Variants in DLGAP1 observed in about 807,000 individuals in gnomAD.
DLGAP1 encodes the protein disks large-associated protein 1.
DLGAP1 carries 11 observed loss-of-function variants against 90.8 expected under a neutral mutation model. That is an observed-to-expected ratio of 0.12 (90% CI 0.08 to 0.20). The LOEUF (loss-of-function observed/expected upper bound fraction) is 0.20, where lower values mean the gene tolerates loss of function less well. DLGAP1 is among the 10% of genes least tolerant of loss of function. The probability of loss-of-function intolerance (pLI) is 1.00; values close to 1 mark genes in which losing one functional copy is unlikely to be tolerated. For missense variants in DLGAP1, 1,050 were observed against 1,333.8 expected (o/e 0.79, Z 3.31); for synonymous variants, 558 against 540.7 (o/e 1.03, Z -0.44).
intron 1 of DLGAP1, among the ~76,000 whole-genome samples, chr18:4,213,855 C>T (rs2077896466): frequency 6.6e-6 from 1 of 152,078 alleles, no homozygotes; most frequent in Non-Finnish European, 1.5e-5. Context: ...GGAAAATTAA[C>T]ATAGTAAGTG....
At chr18:4,226,354 T>C (rs1394239076) in intron 1 of DLGAP1, among the ~76,000 whole-genome samples, 1 of 152,096 alleles carries the variant, frequency 6.6e-6, no homozygotes, top group Non-Finnish European at 1.5e-5. Flanking sequence ...TCTGAAGGTA[T>C]AAAAATCAAT....
intron 4 of DLGAP1, among the ~76,000 whole-genome samples, chr18:3,877,576 T>C (rs1283749138): frequency 6.6e-6 from 1 of 152,214 alleles, no homozygotes; most frequent in Non-Finnish European, 1.5e-5. Context: ...ACAGATATCC[T>C]TATCGAAATA....
At chr18:3,750,445 C>T (rs1333625469) in intron 5 of DLGAP1, among the ~76,000 whole-genome samples, 2 of 152,116 alleles carry the variant, frequency 1.3e-5, no homozygotes, top group African/African-American at 2.4e-5. Flanking sequence ...TGCATGTGTC[C>T]TTTTGGTAGA....
At chr18:4,241,273 G>C (rs2078527892) in intron 1 of DLGAP1, among the ~76,000 whole-genome samples, 1 of 152,150 alleles carries the variant, frequency 6.6e-6, no homozygotes, top group African/African-American at 2.4e-5. Context: ...GTCACTCCTA[G>C]AGTTCTTGAT....
chr18:3,988,712 A>G (rs1405842114), intron 3 of DLGAP1, among the ~76,000 whole-genome samples: 1 of 152,092 alleles, frequency 6.6e-6, no homozygotes, highest in African/African-American at 2.4e-5. Context: ...CAGGCCACGG[A>G]CCCGTACTGC....
At chr18:3,509,087 T>A (rs1388148644) in intron 10 of DLGAP1, among the ~76,000 whole-genome samples, 1 of 152,012 alleles carries the variant, frequency 6.6e-6, no homozygotes, top group Non-Finnish European at 1.5e-5. Flanking sequence ...CTGGCTTGTT[T>A]TTCTAAAACA....
chr18:4,295,714 G>A (rs1283214643), intron 1 of DLGAP1, among the ~76,000 whole-genome samples: 1 of 152,162 alleles, frequency 6.6e-6, no homozygotes, highest in African/African-American at 2.4e-5. Context: ...TATCTGTGAA[G>A]TGGACACAAA....
intron 7 of DLGAP1, among the ~76,000 whole-genome samples, chr18:3,687,629 T>C (rs894790506): frequency 6.6e-6 from 1 of 152,174 alleles, no homozygotes; most frequent in East Asian, 1.9e-4. Flanking sequence ...TATATAGTCA[T>C]CACAATGGAA....
rs1054224130 is a variant in DLGAP1 at position 4,084,947 on chromosome 18, A to G, written c.-159+66233T>C. On this transcript the variant is annotated intron_variant, in intron 2 of 12. Transcript: ENST00000315677. The surrounding 1 kb of genome is among the most constrained non-coding windows in gnomAD (Gnocchi z 4.0). Reference sequence around the variant, plus strand: ...CTCTAAATCAAAGAGAGCATGCTGCAAGGAGCAGGCATCGTCCAGGATGGT... The same window carrying G: ...CTCTAAATCAAAGAGAGCATGCTGCGAGGAGCAGGCATCGTCCAGGATGGT... Among the ~76,000 whole-genome samples the G allele has an allele frequency of 6.0e-5, 6 of 100,160 alleles. No individual in the cohort carries two copies. Among genetic ancestry groups the G allele is most frequent in the Non-Finnish European group, 2.4e-5 (1 of 42,242 alleles). 65.7% of individuals were successfully genotyped at this position (100,160 alleles called of 152,430 possible). A position where few individuals can be genotyped will look rare whatever the true frequency, so the allele number is the denominator to read the frequency against.
intron 1 of DLGAP1, among the ~76,000 whole-genome samples, chr18:4,398,129 TTGTA>T (rs2082476975): frequency 6.6e-6 from 1 of 152,200 alleles, no homozygotes; most frequent in African/African-American, 2.4e-5. Context: ...CATAAAATCT[TTGTA>T]TGTGTTCAGA....
intron 7 of DLGAP1, among the ~76,000 whole-genome samples, chr18:3,649,887 A>G (rs371141128): frequency 1.3e-5 from 2 of 152,222 alleles, no homozygotes; most frequent in Admixed American, 1.3e-4. Context: ...GGTGAGGGTA[A>G]TCACAAGATG....
Position 3,665,709 on chromosome 18 carries a change from T to TG in DLGAP1, c.1591+63425dup, listed in dbSNP as rs1289426278. The stretch of plus-strand genomic sequence containing the variant: ...GATTTCCATTTCTGCATAATATTCT[T>TG]GCTCTTTTAAGAAGAAAACACCTCT... On this transcript the variant is annotated intron_variant, in intron 7 of 12. Coordinates refer to ENST00000315677, the MANE Select transcript of DLGAP1 (RefSeq NM_004746.4). Among the ~76,000 whole-genome samples the TG allele has an allele frequency of 6.6e-5, 10 of 152,332 alleles. No individual in the cohort carries two copies. The South Asian group carries it at 1.9e-3, about 28-fold the overall frequency.
intron 7 of DLGAP1, among the ~76,000 whole-genome samples, chr18:3,656,844 G>T (rs185779685): frequency 6.6e-5 from 10 of 152,028 alleles, no homozygotes; most frequent in East Asian, 1.9e-4. Context: ...CCTCCTGGGT[G>T]GACGCCATTC....
chr18:4,235,815 T>A (rs1188394604), intron 1 of DLGAP1, among the ~76,000 whole-genome samples: 1 of 132,584 alleles, frequency 7.5e-6, no homozygotes, highest in Non-Finnish European at 1.5e-5. Flanking sequence ...AACCTCCGCC[T>A]CCCGGGTTCA....
At chr18:4,282,646 A>G (rs980505696) in intron 1 of DLGAP1, among the ~76,000 whole-genome samples, 1 of 152,212 alleles carries the variant, frequency 6.6e-6, no homozygotes, top group Admixed American at 6.5e-5. Flanking sequence ...AGAGTTTGCC[A>G]TAGAAGCATT....
intron 1 of DLGAP1, among the ~76,000 whole-genome samples, chr18:4,344,335 C>T (rs950773998): frequency 7.2e-5 from 11 of 151,878 alleles, no homozygotes; most frequent in African/African-American, 1.9e-4. Flanking sequence ...ACCAATATCG[C>T]GATGCTAGAA....
chr18:3,618,013 G>A (rs910814839), intron 7 of DLGAP1, among the ~76,000 whole-genome samples: 5 of 152,148 alleles, frequency 3.3e-5, no homozygotes, highest in African/African-American at 1.2e-4. Context: ...CTCCAGCCTG[G>A]GTGACAAAAG....
intron 5 of DLGAP1, among the ~76,000 whole-genome samples, chr18:3,757,577 A>C (rs1046630199): frequency 2.6e-5 from 4 of 152,240 alleles, no homozygotes; most frequent in Non-Finnish European, 5.9e-5. Context: ...CAGGAATGCA[A>C]GGTTGGTTTA....
chr18:3,503,515 G>C (rs997957705), intron 11 of DLGAP1, among the ~76,000 whole-genome samples: 11 of 152,164 alleles, frequency 7.2e-5, no homozygotes, highest in African/African-American at 2.7e-4. Context: ...ACTACCTGCA[G>C]CAGTAGCTAA....
Sources: gnomAD v4.1 joint callset for allele counts (sites outside exome capture counted in the v4.1 genomes callset) on GRCh38, gnomAD v4.1.1 for gene constraint, Gnocchi (gnomAD v3.1) non-coding constraint, MANE v1.5 for transcripts, NCBI Gene and HGNC (gene_info 2026-07-23, HGNC 2026-07-21) for gene names.